Variants in VSTM4 observed in about 807,000 individuals in gnomAD.
The protein encoded by VSTM4 is V-set and transmembrane domain-containing protein 4.
VSTM4 carries 20 observed loss-of-function variants against 36.4 expected under a neutral mutation model. The ratio of observed to expected loss-of-function variants is 0.55; its 90% CI spans 0.39 to 0.80. The LOEUF (loss-of-function observed/expected upper bound fraction) is 0.80. Among genes scored for constraint, VSTM4 ranks in the 30% least tolerant of loss-of-function variants. The pLI is 0.00. For synonymous variants in VSTM4, 182 were observed against 173.9 expected (o/e 1.05, Z -0.37); for missense variants, 392 against 404.5 (o/e 0.97, Z 0.26).
chr10:49,068,430 G>A (rs567186473), intron 4 of VSTM4, among the ~76,000 whole-genome samples: 4 of 152,254 alleles, frequency 2.6e-5, no homozygotes, highest in South Asian at 2.1e-4. Flanking sequence ...CCAGGAGCCC[G>A]ATGAGGCCAG....
At chr10:49,074,159 C>A (rs1267345387) in intron 4 of VSTM4, among the ~76,000 whole-genome samples, 1 of 152,232 alleles carries the variant, frequency 6.6e-6, no homozygotes, top group Non-Finnish European at 1.5e-5. Flanking sequence ...CTGAAATTCA[C>A]ACTGATTCAA....
In VSTM4 at chr10:49,047,030, T is replaced by C. The variant is rs150426371; in HGVS notation, c.790A>G (p.Thr264Ala). 5 of 1,614,082 alleles carry C rather than the reference T, an allele frequency of 3.1e-6. No homozygotes were observed. Among genetic ancestry groups the C allele is most frequent in the African/African-American group, 1.3e-5 (1 of 74,934 alleles). The change falls in exon 7 of 8, where the codon ACG becomes GCG. Residue 264 changes from threonine to alanine, a missense_variant. By Grantham distance (58) the Thr-to-Ala change is moderately conservative. Transcript: ENST00000332853. ...TTCAGCAGCTTCGGTTTATGGAACG[T>C]GGGGGCTATCGGAGCTGTGGAAGTA... ...AVPAKAPIAP[T>A]FHKPKLLKPQ...
intron 3 of VSTM4, among the ~76,000 whole-genome samples, chr10:49,083,736 G>A (rs553426032): frequency 6.6e-6 from 1 of 152,304 alleles, no homozygotes; most frequent in East Asian, 1.9e-4. Context: ...ATTGCACAAA[G>A]GGTTTCAGAA....
intron 7 of VSTM4, among the ~76,000 whole-genome samples, chr10:49,038,473 T>TAA (rs943102096): frequency 1.3e-5 from 2 of 152,100 alleles, no homozygotes; most frequent in African/African-American, 4.8e-5. Flanking sequence ...TGGGGGGTGT[T>TAA]TCTTGAGTAC....
intron 4 of VSTM4, among the ~76,000 whole-genome samples, chr10:49,075,043 C>T (rs1844149951): frequency 6.6e-6 from 1 of 152,214 alleles, no homozygotes; most frequent in Non-Finnish European, 1.5e-5. Context: ...GGTGCTCAGA[C>T]AACGCTCTGG....
chr10:49,076,651 T>G (rs74820653), intron 4 of VSTM4, among the ~76,000 whole-genome samples: 1 of 151,852 alleles, frequency 6.6e-6, no homozygotes, highest in African/African-American at 2.4e-5. Flanking sequence ...ATGAGAGTCA[T>G]GAGAACTACA....
chr10:49,070,799 C>T (rs181333540), intron 4 of VSTM4, among the ~76,000 whole-genome samples: 10 of 152,328 alleles, frequency 6.6e-5, no homozygotes, highest in Non-Finnish European at 4.4e-5. Flanking sequence ...CCAGCTGAGC[C>T]TCCCGGCACC....
chr10:49,069,955 T>TA (rs1337926143), intron 4 of VSTM4, among the ~76,000 whole-genome samples: 1 of 128,820 alleles, frequency 7.8e-6, no homozygotes, highest in Non-Finnish European at 1.6e-5. Context: ...CACCTTAGCA[T>TA]AAAAAAAGAA....
chr10:49,098,321 C>T (rs900462431), intron 2 of VSTM4, among the ~76,000 whole-genome samples: 4 of 152,188 alleles, frequency 2.6e-5, no homozygotes, highest in African/African-American at 9.7e-5. Flanking sequence ...CTGGCCTGCT[C>T]GTGATGAATG....
At chr10:49,021,316 G>GT (rs1262773542) in intron 7 of VSTM4, among the ~76,000 whole-genome samples, 1 of 151,984 alleles carries the variant, frequency 6.6e-6, no homozygotes, top group Admixed American at 6.6e-5. Flanking sequence ...TAGGTGGGGA[G>GT]TTTTTTAAAA....
At chr10:49,092,063 C>T (rs1844485136) in intron 2 of VSTM4, among the ~76,000 whole-genome samples, 1 of 152,202 alleles carries the variant, frequency 6.6e-6, no homozygotes, top group Non-Finnish European at 1.5e-5. Context: ...CTTTCCGTGC[C>T]TACCCTGGCC....
chr10:49,097,169 G>A (rs936821277), intron 2 of VSTM4, among the ~76,000 whole-genome samples: 1 of 152,226 alleles, frequency 6.6e-6, no homozygotes, highest in African/African-American at 2.4e-5. Context: ...CAGGGCTACA[G>A]CTGGGGCCCA....
chr10:49,057,101 A>G (rs1047145943), intron 5 of VSTM4, among the ~76,000 whole-genome samples: 6 of 152,118 alleles, frequency 3.9e-5, no homozygotes, highest in Admixed American at 6.5e-5. Flanking sequence ...TTACAAGGAC[A>G]GACCAAGCCA....
chr10:49,072,261 A>G (rs1844092483), intron 4 of VSTM4, among the ~76,000 whole-genome samples: 1 of 152,064 alleles, frequency 6.6e-6, no homozygotes, highest in South Asian at 2.1e-4. Flanking sequence ...AGAGCCTAAG[A>G]CTTTAGAATC....
intron 7 of VSTM4, among the ~76,000 whole-genome samples, chr10:49,033,490 TAG>T (rs1257603974): frequency 6.6e-6 from 1 of 152,212 alleles, no homozygotes; most frequent in African/African-American, 2.4e-5. Context: ...AGAGACCACT[TAG>T]AGGAATAATT....
At chr10:49,047,624 C>T (rs1407051982) in intron 6 of VSTM4, among the ~76,000 whole-genome samples, 1 of 152,176 alleles carries the variant, frequency 6.6e-6, no homozygotes, top group African/African-American at 2.4e-5. Context: ...CGACATCGAG[C>T]AGTATGATGC....
At position 49,032,195 on chromosome 10, in the gene VSTM4, G is replaced by T. The variant is rs146250054; in HGVS notation, c.838-12420C>A. 2.2e-3 allele frequency among the ~76,000 whole-genome samples: 342 copies of T among 152,302 alleles called. 4 individuals are homozygous for T. Among genetic ancestry groups the T allele is most frequent in the African/African-American group, 7.7e-3 (322 of 41,552 alleles). Reference sequence around the variant, plus strand: ...TAATATTTACTTAGTACAACAACTAGTCTATGTGGAAGTTACCCTTATTAT... The same window carrying T: ...TAATATTTACTTAGTACAACAACTATTCTATGTGGAAGTTACCCTTATTAT... On this transcript the variant is annotated intron_variant, in intron 7 of 7. Transcript: ENST00000332853.
At chr10:49,020,267 C>T (rs1382037688) in intron 7 of VSTM4, among the ~76,000 whole-genome samples, 1 of 152,010 alleles carries the variant, frequency 6.6e-6, no homozygotes, top group African/African-American at 2.4e-5. Context: ...CTTGCCAAAA[C>T]CTAAAGCCTA....
rs77727205 is a variant in VSTM4 at position 49,068,066 on chromosome 10, A to G, written c.635-3330T>C. Among the ~76,000 whole-genome samples the G allele has an allele frequency of 9.0e-3, 1,361 of 152,038 alleles. 14 individuals are homozygous for G. The highest frequency in any genetic ancestry group is 0.026 in the African/African-American group (1,085 of 41,434). ...TTGTATTATTGTATTGTTATTTTTA[A>G]TTGTTTTTTAATCAAATATTTTTTA... On this transcript the variant is annotated intron_variant, in intron 4 of 7. Transcript: ENST00000332853.
Sources: gnomAD v4.1 joint callset for allele counts (sites outside exome capture counted in the v4.1 genomes callset) on GRCh38, gnomAD v4.1.1 for gene constraint, MANE v1.5 for transcripts, NCBI Gene and HGNC (gene_info 2026-07-23, HGNC 2026-07-21) for gene names.